KCNH3: variants seen among roughly 807,000 people sequenced by gnomAD.
The protein encoded by KCNH3 is voltage-gated inwardly rectifying potassium channel KCNH3.
Under a neutral mutation model 95.6 loss-of-function variants are expected in KCNH3, and 36 were observed. The observed-to-expected ratio is 0.38, with a 90% CI of 0.29 to 0.50. The LOEUF is 0.50. Among genes scored for constraint, KCNH3 ranks in the 20% least tolerant of loss-of-function variants. The pLI is 0.95. For synonymous variants in KCNH3, 620 were observed against 646.3 expected, an observed-to-expected ratio of 0.96 and a Z score of 0.62; for missense variants, 1,030 against 1,484.1, an observed-to-expected ratio of 0.69 and a Z score of 5.03.
chr12:49,554,634 G>T, intron 11 of KCNH3, 80 bp downstream of exon 11: 2 of 1,272,160 alleles, frequency 1.6e-6, no homozygotes, highest in African/African-American at 1.5e-5. Context: ...GGGGATGGTG[G>T]AGAGCTGTGT....
chr12:49,554,487 C>T lies in KCNH3; in HGVS notation c.2069C>T (p.Pro690Leu), dbSNP rs148991460. The part of the protein sequence containing the change: ...DSLALYPEFA[P>L]RFSRGLRGEL... ...CTTGCGCTGTACCCCGAGTTTGCCC[C>T]GCGCTTCAGTCGTGGCCTCCGAGGG... Residue 690 changes from proline (P) to leucine (L), a missense_variant, in exon 11 of 15, where the codon CCG becomes CTG. By Grantham distance (98) the Pro-to-Leu change is moderately conservative (BLOSUM62 -3). Transcript: ENST00000257981. 27 of 1,613,668 alleles carry T rather than the reference C, an allele frequency of 1.7e-5. No individual in the cohort carries two copies. The highest frequency in any genetic ancestry group is 8.0e-5 in the African/African-American group (6 of 74,942).
rs747950831 is a variant in KCNH3 at position 49,539,523 on chromosome 12, G to A, written c.76+31G>A. 7 of 1,570,704 alleles carry A rather than the reference G, an allele frequency of 4.5e-6. No homozygotes were observed. Among genetic ancestry groups the A allele is most frequent in the East Asian group, 5.0e-5 (2 of 40,048 alleles). On this transcript the variant is annotated intron_variant, in intron 1 of 14. Transcript: ENST00000257981. This position sits in a 1 kb window ranked among gnomAD's most constrained non-coding sequence, Gnocchi z 6.7. ...TCCGACCCTCGCCCACTTGCACCCG[G>A]GCCGCCGGACCCTCGCCAGGGCTCC...
intron 11 of KCNH3, 30 bp downstream of exon 11, chr12:49,554,584 G>C: frequency 6.3e-7 from 1 of 1,576,250 alleles, no homozygotes; most frequent in South Asian, 1.1e-5. Context: ...GCTTGGAGGG[G>C]ATGGGGGTGC....
Position 49,540,897 on chromosome 12 carries a change from A to G in KCNH3, c.77-2A>G. The G allele has an allele frequency of 6.2e-7, 1 of 1,613,698 alleles. No homozygotes were observed. Among genetic ancestry groups the G allele is most frequent in the Non-Finnish European group, 8.5e-7 (1 of 1,179,672 alleles). On this transcript the variant is annotated splice_acceptor_variant, in intron 1 of 14. Transcript: ENST00000257981. LOFTEE classifies it high-confidence loss of function. ...CCTCCTCTGAGAAGTGCTCTCTTGC[A>G]GACAGTAACTTCGTGCTGGGCAACG...
At position 49,542,722 on chromosome 12, in the gene KCNH3, A is replaced by T. The variant is rs775805831; in HGVS notation, c.462A>T (p.Arg154=). 5.1e-6 allele frequency: 8 copies of T among 1,581,936 alleles called. No homozygotes were observed. The highest frequency in any genetic ancestry group is 6.0e-6 in the Non-Finnish European group (7 of 1,164,826). The part of the protein sequence containing the change: ...RWKETGGGRR[R]YGRARSKGFN... ...CTTTCGCAGGTGGTGGCCGGCGCCG[A>T]TATGGCCGGGCACGATCCAAAGGCT... The change falls in exon 4 of 15, where the codon CGA becomes CGT. Residue 154 remains arginine (R), a synonymous_variant. Coordinates refer to ENST00000257981, the MANE Select transcript of KCNH3 (RefSeq NM_012284.3).
At chr12:49,552,814 AAG>A (rs770140577) in intron 10 of KCNH3, among the ~76,000 whole-genome samples, 8 of 152,220 alleles carry the variant, frequency 5.3e-5, no homozygotes, top group Non-Finnish European at 1.0e-4. Context: ...CGCCAATGAA[AAG>A]AGAGCACATT....
intron 11 of KCNH3, 93 bp downstream of exon 11, chr12:49,554,647 G>A: frequency 8.8e-7 from 1 of 1,137,426 alleles, no homozygotes; most frequent in Non-Finnish European, 1.3e-6. Flanking sequence ...AGCTGTGTGT[G>A]AAGTGTGGCC....
chr12:49,552,024 A>G (rs1220773768), intron 10 of KCNH3, among the ~76,000 whole-genome samples: 2 of 152,240 alleles, frequency 1.3e-5, no homozygotes, highest in African/African-American at 2.4e-5. Flanking sequence ...TACATCTTTC[A>G]TGAGTCCAGC....
In KCNH3 at chr12:49,541,125, G is replaced by T; in HGVS notation, c.303G>T (p.Arg101=). 1 of 1,601,780 alleles carries T rather than the reference G, an allele frequency of 6.2e-7. No homozygotes were observed. Among genetic ancestry groups the T allele is most frequent in the Non-Finnish European group, 8.5e-7 (1 of 1,178,636 alleles). Residue 101 remains arginine, a synonymous_variant, in exon 2 of 15, where the codon CGG becomes CGT. Transcript: ENST00000257981. ...TCAAGGCTGAGCTGATCCTGTACCG[G>T]AAGAGCGGTGAGGGGCCACCTGGCC... The part of the protein sequence containing the change: ...KEFKAELILY[R]KSGLPFWCLL...
In KCNH3 at chr12:49,558,095, G is replaced by T; in HGVS notation, c.*142G>T. On this transcript the variant is annotated 3_prime_UTR_variant, in exon 15 of 15. Coordinates refer to ENST00000257981, the MANE Select transcript of KCNH3 (RefSeq NM_012284.3). ...GGGCAGGGAGCCTGGAAGCAAAGGA[G>T]GACCTGGCTCCTGACTCTCAGAGAG... is the stretch of plus-strand genomic sequence containing the variant. 1 of 944,264 alleles carries T rather than the reference G, an allele frequency of 1.1e-6. No individual in the cohort carries two copies. Among genetic ancestry groups the T allele is most frequent in the Non-Finnish European group, 1.4e-6 (1 of 691,834 alleles). The allele number at this position is 944,264 out of a possible 1,614,324, so 58.5% of individuals were successfully genotyped here.
intron 7 of KCNH3, chr12:49,546,200 G>A (rs966047287): frequency 2.0e-5 from 3 of 152,156 alleles, no homozygotes; most frequent in Non-Finnish European, 4.4e-5. Flanking sequence ...TCCACAGGAT[G>A]GGCAAGGGTG....
intron 13 of KCNH3, 127 bp downstream of exon 13, chr12:49,556,603 C>G: frequency 1.3e-6 from 1 of 752,590 alleles, no homozygotes; most frequent in South Asian, 1.5e-5. Flanking sequence ...CCGTCTCACC[C>G]CACTACCCCT....
intron 2 of KCNH3, 142 bp from the exon 3 acceptor site, chr12:49,541,488 T>C: frequency 2.0e-6 from 2 of 977,410 alleles, no homozygotes; most frequent in East Asian, 2.4e-5. Context: ...CTGCCTTCAG[T>C]GAAACTGGAC....
At chr12:49,550,841 T>C (rs1938234551) in intron 10 of KCNH3, among the ~76,000 whole-genome samples, 1 of 152,006 alleles carries the variant, frequency 6.6e-6, no homozygotes, top group African/African-American at 2.4e-5. Flanking sequence ...GTATCTACAG[T>C]GTATATACTT....
Position 49,548,950 on chromosome 12 carries a change from G to A in KCNH3, c.1245G>A (p.Arg415=), listed in dbSNP as rs918713478. ...RLETPYYLVG[R]RPAGGNSSGQ... ...AGACTCCCTACTACCTGGTGGGCCG[G>A]AGGCCAGCTGGAGGGAACAGCTCCG... The change falls in exon 8 of 15, where the codon CGG becomes CGA. Residue 415 remains arginine (R), a synonymous_variant. Coordinates refer to ENST00000257981, the MANE Select transcript of KCNH3 (RefSeq NM_012284.3). 1.8e-5 allele frequency: 29 copies of A among 1,605,828 alleles called. No individual in the cohort carries two copies. Among genetic ancestry groups the A allele is most frequent in the Non-Finnish European group, 2.5e-5 (29 of 1,176,918 alleles).
intron 10 of KCNH3, among the ~76,000 whole-genome samples, chr12:49,552,817 A>G (rs1194030670): frequency 6.6e-6 from 1 of 152,226 alleles, no homozygotes; most frequent in African/African-American, 2.4e-5. Flanking sequence ...CAATGAAAAG[A>G]GAGCACATTC....
intron 10 of KCNH3, among the ~76,000 whole-genome samples, chr12:49,551,167 A>G (rs1361423721): frequency 2.0e-5 from 3 of 151,974 alleles, no homozygotes; most frequent in African/African-American, 7.2e-5. Context: ...CTCTGGGGGG[A>G]ATTGGGACTG....
At chr12:49,553,313 C>T (rs1355749899) in intron 10 of KCNH3, among the ~76,000 whole-genome samples, 1 of 151,942 alleles carries the variant, frequency 6.6e-6, no homozygotes, top group Non-Finnish European at 1.5e-5. Context: ...ATTTTTGCTG[C>T]TGTTGTTGTT....
chr12:49,550,043 T>TGA, intron 9 of KCNH3, 37 bp from the exon 10 acceptor site: 1 of 1,299,538 alleles, frequency 7.7e-7, no homozygotes, highest in Non-Finnish European at 1.1e-6. Context: ...CTTCTGCCAC[T>TGA]CCCAACCCCC....
Sources: gnomAD v4.1 joint callset for allele counts (sites outside exome capture counted in the v4.1 genomes callset) on GRCh38, gnomAD v4.1.1 for gene constraint, Gnocchi (gnomAD v3.1) non-coding constraint, MANE v1.5 for transcripts, NCBI Gene and HGNC (gene_info 2026-07-23, HGNC 2026-07-21) for gene names.